The following ADGRL3 variants were observed in gnomAD, a reference collection of about 807,000 sequenced individuals.
ADGRL3 encodes the protein adhesion G protein-coupled receptor L3.
Under a neutral mutation model 153.5 loss-of-function variants are expected in ADGRL3, and 62 were observed. The observed-to-expected ratio is 0.40, with a 90% CI of 0.33 to 0.50. The LOEUF (loss-of-function observed/expected upper bound fraction) is 0.50. Among genes scored for constraint, ADGRL3 ranks in the 20% least tolerant of loss-of-function variants. ADGRL3 has a pLI of 0.47. For synonymous variants in ADGRL3, 710 were observed against 672.5 expected, an observed-to-expected ratio of 1.06 and a Z score of -0.86; for missense variants, 1,641 against 1,859.4, an observed-to-expected ratio of 0.88 and a Z score of 2.16.
intron 13 of ADGRL3, among the ~76,000 whole-genome samples, chr4:61,922,937 G>A (rs777055854): frequency 6.6e-6 from 1 of 152,154 alleles, no homozygotes; most frequent in African/African-American, 2.4e-5. Flanking sequence ...TGACCCATAT[G>A]AGTAAATATG....
chr4:61,917,856 C>CA (rs1429161492), intron 13 of ADGRL3, among the ~76,000 whole-genome samples: 2 of 152,148 alleles, frequency 1.3e-5, no homozygotes, highest in African/African-American at 4.8e-5. Context: ...GAGGCTAGTG[C>CA]AACAGGAACA....
intron 1 of ADGRL3, among the ~76,000 whole-genome samples, chr4:61,311,995 G>T (rs754829142): frequency 9.2e-5 from 14 of 152,022 alleles, no homozygotes; most frequent in Non-Finnish European, 1.9e-4. Flanking sequence ...GGGGCAGAGG[G>T]TATATGAGAG....
chr4:61,667,193 T>G (rs2094829950), intron 5 of ADGRL3, among the ~76,000 whole-genome samples: 1 of 152,186 alleles, frequency 6.6e-6, no homozygotes, highest in Non-Finnish European at 1.5e-5. Flanking sequence ...TCCAGAGGTA[T>G]GTGGAGTATT....
At chr4:61,692,018 G>T (rs932947515) in intron 6 of ADGRL3, among the ~76,000 whole-genome samples, 8 of 152,004 alleles carry the variant, frequency 5.3e-5, no homozygotes, top group Non-Finnish European at 4.4e-5. Flanking sequence ...GAATATTCTG[G>T]GGTGTTTAAT....
At chr4:61,370,601 G>C (rs1015307292) in intron 1 of ADGRL3, among the ~76,000 whole-genome samples, 1 of 151,724 alleles carries the variant, frequency 6.6e-6, no homozygotes, top group Non-Finnish European at 1.5e-5. Flanking sequence ...GAGATAGTTT[G>C]TTATAATTTC....
intron 2 of ADGRL3, among the ~76,000 whole-genome samples, chr4:61,392,411 G>A (rs552836954): frequency 6.6e-6 from 1 of 151,368 alleles, no homozygotes; most frequent in South Asian, 2.1e-4. Context: ...CAGGCGCCGG[G>A]TGCGGTGGCT....
At chr4:61,615,051 C>G (rs1257306742) in intron 5 of ADGRL3, among the ~76,000 whole-genome samples, 4 of 152,004 alleles carry the variant, frequency 2.6e-5, no homozygotes, top group African/African-American at 9.7e-5. Context: ...TAAGCAATCT[C>G]AGAATATAGA....
At chr4:61,520,334 T>G (rs2098522309) in intron 4 of ADGRL3, among the ~76,000 whole-genome samples, 1 of 152,046 alleles carries the variant, frequency 6.6e-6, no homozygotes, top group Admixed American at 6.6e-5. Flanking sequence ...TGCAGCTGCA[T>G]TAAAAAAGTT....
Position 61,895,881 on chromosome 4 carries a change from CTGT to C in ADGRL3, c.1887+53_1887+55del, listed in dbSNP as rs755224775. On this transcript the variant is annotated intron_variant, in intron 11 of 26. Transcript: ENST00000683033. ...AAAGTCTTTGCTAAAACTATATCATCTGTTGTTGATGATAGCTGTTGGAAAAAA... is the reference window on the plus strand; with the variant it reads ...AAAGTCTTTGCTAAAACTATATCATCTGTTGATGATAGCTGTTGGAAAAAA... The C allele has an allele frequency of 4.6e-6, 5 of 1,094,556 alleles. No homozygotes were observed. In the African/African-American group the frequency reaches 6.3e-5, roughly 14 times the overall value. 67.8% of individuals were successfully genotyped at this position (1,094,556 alleles called of 1,614,324 possible).
chr4:61,648,472 C>G (rs1216613329), intron 5 of ADGRL3, among the ~76,000 whole-genome samples: 2 of 146,812 alleles, frequency 1.4e-5, no homozygotes, highest in Admixed American at 1.4e-4. Context: ...CAGGATTTAT[C>G]TCTTTTGTCA....
At chr4:61,746,009 G>A (rs773616726) in intron 8 of ADGRL3, among the ~76,000 whole-genome samples, 4 of 152,140 alleles carry the variant, frequency 2.6e-5, no homozygotes, top group Non-Finnish European at 4.4e-5. Flanking sequence ...AAGGATGGAG[G>A]AAGATCTACC....
At chr4:61,379,497 A>G (rs1038878180) in intron 1 of ADGRL3, among the ~76,000 whole-genome samples, 2 of 152,016 alleles carry the variant, frequency 1.3e-5, no homozygotes, top group East Asian at 1.9e-4. Flanking sequence ...AACTCGTTGT[A>G]TTGTTTTTTA....
chr4:61,335,306 T>A (rs2151032191), intron 1 of ADGRL3, among the ~76,000 whole-genome samples: 2 of 152,290 alleles, frequency 1.3e-5, no homozygotes, highest in Middle Eastern at 3.4e-3. Flanking sequence ...CAGTACGTTT[T>A]ACTCTTAAGA....
intron 8 of ADGRL3, among the ~76,000 whole-genome samples, chr4:61,741,798 G>C (rs577142921): frequency 6.6e-6 from 1 of 152,204 alleles, no homozygotes; most frequent in Non-Finnish European, 1.5e-5. Context: ...CCTTCCAAAT[G>C]GATGAGAGAA....
intron 9 of ADGRL3, among the ~76,000 whole-genome samples, chr4:61,881,443 A>G (rs918603422): frequency 1.3e-5 from 2 of 152,100 alleles, no homozygotes; most frequent in African/African-American, 2.4e-5. Context: ...CAGTGGTGCA[A>G]TCTTGGCTCA....
intron 4 of ADGRL3, among the ~76,000 whole-genome samples, chr4:61,545,510 C>A (rs983827788): frequency 3.3e-5 from 5 of 152,126 alleles, no homozygotes; most frequent in Admixed American, 2.0e-4. Flanking sequence ...GGAGCCAGTT[C>A]AGCTTTTCTC....
intron 9 of ADGRL3, among the ~76,000 whole-genome samples, chr4:61,881,418 G>T (rs549342269): frequency 6.6e-6 from 1 of 151,938 alleles, no homozygotes; most frequent in Non-Finnish European, 1.5e-5. Context: ...TGGCTCTGTC[G>T]CCCAGGCTGG....
At chr4:61,654,539 A>G (rs1344613138) in intron 5 of ADGRL3, among the ~76,000 whole-genome samples, 2 of 151,966 alleles carry the variant, frequency 1.3e-5, no homozygotes, top group Non-Finnish European at 2.9e-5. Context: ...TTTATGTTCT[A>G]TTATTTTTTA....
chr4:61,353,464 T>C (rs1461665485), intron 1 of ADGRL3, among the ~76,000 whole-genome samples: 5 of 152,178 alleles, frequency 3.3e-5, no homozygotes, highest in African/African-American at 1.2e-4. Context: ...TGTACAGATG[T>C]GGATTTAAAA....
Sources: allele counts gnomAD v4.1 joint callset (sites outside exome capture counted in the v4.1 genomes callset), GRCh38; gene constraint gnomAD v4.1.1; transcripts MANE v1.5; gene names NCBI Gene and HGNC (gene_info 2026-07-23, HGNC 2026-07-21).